The following HBP1 variants were observed in gnomAD, a reference collection of about 807,000 sequenced individuals.
HBP1 encodes the protein HMG-box transcription factor 1.
Under a neutral mutation model 62.6 loss-of-function variants are expected in HBP1, and 20 were observed. The observed-to-expected ratio is 0.32, with a 90% CI of 0.22 to 0.46. HBP1 has a LOEUF of 0.46. HBP1 is among the 20% of genes least tolerant of loss of function. The probability of loss-of-function intolerance (pLI) is 1.00; values close to 1 mark genes in which losing one functional copy is unlikely to be tolerated. For missense variants in HBP1, 480 were observed against 611.8 expected, an observed-to-expected ratio of 0.78 and a Z score of 2.27; for synonymous variants, 232 against 206.2, an observed-to-expected ratio of 1.12 and a Z score of -1.07.
chr7:107,179,789 A>G (rs1797025661), intron 1 of HBP1, 90 bp from the exon 2 acceptor site: 2 of 810,120 alleles, frequency 2.5e-6, no homozygotes. Context: ...AAACAAAACA[A>G]CATTGTCATG....
intron 1 of HBP1, among the ~76,000 whole-genome samples, chr7:107,171,365 C>T (rs1372136144): frequency 6.6e-6 from 1 of 151,636 alleles, no homozygotes; most frequent in South Asian, 2.1e-4. Context: ...CCACCGTGCC[C>T]GGCCCACTAT....
At chr7:107,196,583 T>G (rs17427499) in intron 9 of HBP1, 2,876 of 257,904 alleles carry the variant, frequency 0.011, 26 homozygotes, top group Non-Finnish European at 0.016. Flanking sequence ...GACTTTAAAG[T>G]AAAAAGTTTA....
intron 9 of HBP1, 183 bp downstream of exon 9, chr7:107,196,334 T>C (rs1291274338): frequency 3.2e-6 from 2 of 629,558 alleles, no homozygotes; most frequent in African/African-American, 1.8e-5. Flanking sequence ...AGTGGTACGA[T>C]CTCAGCTCAC....
Position 107,201,479 on chromosome 7 carries a change from C to G in HBP1, c.*48C>G, listed in dbSNP as rs752989307. On this transcript the variant is annotated 3_prime_UTR_variant, in exon 11 of 11. Coordinates refer to ENST00000222574, the MANE Select transcript of HBP1 (RefSeq NM_012257.4). ...GTCTATATTTGCATATACATTGACT[C>G]TTGATGGAAAGACTTAAGAAGATCA... The G allele has an allele frequency of 5.6e-6, 7 of 1,250,554 alleles. No individual in the cohort carries two copies. Among genetic ancestry groups the G allele is most frequent in the Non-Finnish European group, 8.2e-6 (7 of 854,794 alleles). The allele number at this position is 1,250,554 out of a possible 1,614,324, so 77.5% of individuals were successfully genotyped here. A position where few individuals can be genotyped will look rare whatever the true frequency, so the allele number is the denominator to read the frequency against.
In HBP1 at chr7:107,185,913, A is replaced by G. The variant is rs1457929042; in HGVS notation, c.511A>G (p.Lys171Glu). 1.9e-6 allele frequency: 3 copies of G among 1,612,936 alleles called. No homozygotes were observed. Among genetic ancestry groups the G allele is most frequent in the Non-Finnish European group, 2.5e-6 (3 of 1,179,024 alleles). ...SEPAFPHHHW[K>E]EETPVRHERA... ...ACCAGCCTTCCCTCATCACCATTGG[A>G]AGGAGGAAACACCAGTAAGACACGA... Residue 171 changes from lysine to glutamate, a missense_variant, in exon 4 of 11, where the codon AAG becomes GAG. Coordinates refer to ENST00000222574, the MANE Select transcript of HBP1 (RefSeq NM_012257.4).
intron 9 of HBP1, chr7:107,196,595 G>C (rs1797916862): frequency 1.2e-5 from 3 of 256,650 alleles, no homozygotes; most frequent in African/African-American, 4.6e-5. Context: ...AAAAGTTTAA[G>C]TGGAATTTTT....
At chr7:107,180,104 C>T (rs781388899) in intron 2 of HBP1, 42 bp downstream of exon 2, 8 of 1,336,522 alleles carry the variant, frequency 6.0e-6, no homozygotes, top group Non-Finnish European at 8.3e-6. Context: ...CACTAAGATT[C>T]AGATAAATTT....
At chr7:107,176,855 CTGAT>C (rs1048182347) in intron 1 of HBP1, among the ~76,000 whole-genome samples, 5 of 152,122 alleles carry the variant, frequency 3.3e-5, no homozygotes, top group Non-Finnish European at 7.4e-5. Context: ...TATGCTAAGA[CTGAT>C]TGTGATCAGT....
At chr7:107,169,942 T>G (rs1003170988) in intron 1 of HBP1, 93 of 985,418 alleles carry the variant, frequency 9.4e-5, no homozygotes, top group Non-Finnish European at 1.1e-4. Flanking sequence ...CCTTTCAACC[T>G]ATGCTGCCAC....
chr7:107,193,582 C>T (rs976947215), intron 8 of HBP1, among the ~76,000 whole-genome samples: 6 of 152,110 alleles, frequency 3.9e-5, no homozygotes, highest in Admixed American at 1.3e-4. Context: ...ATTTAACTTG[C>T]CCAAGGTCAT....
At chr7:107,171,060 T>C (rs1796547535) in intron 1 of HBP1, among the ~76,000 whole-genome samples, 1 of 65,864 alleles carries the variant, frequency 1.5e-5, no homozygotes, top group Non-Finnish European at 2.5e-5. Context: ...TATATATATA[T>C]ATATATATAT....
chr7:107,190,146 C>T, intron 7 of HBP1, 27 bp from the exon 8 acceptor site: 3 of 1,572,864 alleles, frequency 1.9e-6, no homozygotes, highest in Non-Finnish European at 2.6e-6. Flanking sequence ...GAGTCCTCAT[C>T]CTTTATGCAA....
At chr7:107,200,027 C>T (rs2116022583) in intron 9 of HBP1, 133 bp from the exon 10 acceptor site, 1 of 649,370 alleles carries the variant, frequency 1.5e-6, no homozygotes, top group Non-Finnish European at 2.5e-6. Flanking sequence ...TGGCCTTGAC[C>T]TTTTCCCATC....
At chr7:107,181,251 G>C (rs760167649) in intron 2 of HBP1, among the ~76,000 whole-genome samples, 5 of 152,124 alleles carry the variant, frequency 3.3e-5, no homozygotes, top group Non-Finnish European at 5.9e-5. Context: ...GGGAGGACAA[G>C]GTGGGAGGAG....
intron 8 of HBP1, among the ~76,000 whole-genome samples, chr7:107,195,375 G>C (rs189932979): frequency 1.5e-4 from 23 of 152,222 alleles, no homozygotes; most frequent in Admixed American, 1.1e-3. Context: ...CCAACCATTT[G>C]TTTTCTATAG....
chr7:107,177,850 T>C (rs920378228), intron 1 of HBP1, among the ~76,000 whole-genome samples: 3 of 152,154 alleles, frequency 2.0e-5, no homozygotes, highest in Non-Finnish European at 2.9e-5. Flanking sequence ...TTCCTTTTTT[T>C]CCAAAAAAAT....
chr7:107,171,074 T>TATATATATATATATATATATA (rs1554380347), intron 1 of HBP1, among the ~76,000 whole-genome samples: 4 of 37,514 alleles, frequency 1.1e-4, no homozygotes, highest in African/African-American at 7.0e-4. Flanking sequence ...TATATATATA[T>TATATATATATATATATATATA]TTTTTTTTTT....
intron 1 of HBP1, among the ~76,000 whole-genome samples, chr7:107,172,989 C>T (rs1796671992): frequency 1.3e-5 from 2 of 152,160 alleles, no homozygotes; most frequent in Admixed American, 6.5e-5. Flanking sequence ...GTGACCAAAA[C>T]GAATCCACTA....
chr7:107,195,106 C>T (rs1009008147), intron 8 of HBP1, among the ~76,000 whole-genome samples: 2 of 152,196 alleles, frequency 1.3e-5, no homozygotes, highest in Non-Finnish European at 2.9e-5. Flanking sequence ...GTGCTGTGAT[C>T]TGCCTCCCTG....
Sources: allele counts gnomAD v4.1 joint callset (sites outside exome capture counted in the v4.1 genomes callset), GRCh38; gene constraint gnomAD v4.1.1; transcripts MANE v1.5; gene names NCBI Gene and HGNC (gene_info 2026-07-23, HGNC 2026-07-21).